Variants in FRMD4B observed in about 807,000 individuals in gnomAD.
The protein encoded by FRMD4B is FERM domain containing 4B.
FRMD4B carries 74 observed loss-of-function variants against 141.5 expected under a neutral mutation model. The ratio of observed to expected loss-of-function variants is 0.52; its 90% CI spans 0.43 to 0.63. FRMD4B has a LOEUF of 0.63. FRMD4B is among the 30% of genes least tolerant of loss of function. FRMD4B has a pLI of 0.00. For synonymous variants in FRMD4B, 506 were observed against 467.9 expected (o/e 1.08, Z -1.05); for missense variants, 1,366 against 1,253.4 (o/e 1.09, Z -1.36).
intron 22 of FRMD4B, among the ~76,000 whole-genome samples, chr3:69,173,224 A>G (rs1252924846): frequency 2.6e-5 from 4 of 152,210 alleles, no homozygotes; most frequent in African/African-American, 9.6e-5. Flanking sequence ...TGGCAGCAGT[A>G]GAGCCAAGAA....
chr3:69,279,265 G>A (rs573350867), intron 5 of FRMD4B, among the ~76,000 whole-genome samples: 22 of 152,234 alleles, frequency 1.4e-4, no homozygotes, highest in Non-Finnish European at 2.5e-4. Context: ...AGACAAATAC[G>A]GTTTCTGGGG....
intron 1 of FRMD4B, among the ~76,000 whole-genome samples, chr3:69,327,525 C>A (rs1409962288): frequency 6.6e-6 from 1 of 152,192 alleles, no homozygotes; most frequent in Non-Finnish European, 1.5e-5. Context: ...TGCTTACTCT[C>A]AGGGTTTTCA....
At chr3:69,239,257 C>G (rs1215640353) in intron 7 of FRMD4B, among the ~76,000 whole-genome samples, 3 of 152,174 alleles carry the variant, frequency 2.0e-5, no homozygotes, top group Non-Finnish European at 2.9e-5. Flanking sequence ...AAGATGCATC[C>G]TGTAGCAGGA....
intron 3 of FRMD4B, among the ~76,000 whole-genome samples, chr3:69,308,757 A>G (rs926142646): frequency 6.6e-6 from 1 of 151,878 alleles, no homozygotes; most frequent in African/African-American, 2.4e-5. Context: ...TTTTCTCGCA[A>G]AAAACAAATC....
intron 1 of FRMD4B, among the ~76,000 whole-genome samples, chr3:69,496,614 A>T (rs1160080918): frequency 4.5e-5 from 4 of 89,180 alleles, no homozygotes; most frequent in Non-Finnish European, 9.1e-5. Context: ...AGAGAGAGTG[A>T]GAGAGAGAGA....
At chr3:69,202,941 G>A (rs1353652135) in intron 11 of FRMD4B, among the ~76,000 whole-genome samples, 1 of 151,912 alleles carries the variant, frequency 6.6e-6, no homozygotes, top group Non-Finnish European at 1.5e-5. Context: ...AATATCTTAA[G>A]GTTACAAACC....
intron 9 of FRMD4B, among the ~76,000 whole-genome samples, chr3:69,219,853 A>T (rs1265067273): frequency 6.6e-6 from 1 of 152,172 alleles, no homozygotes; most frequent in Admixed American, 6.5e-5. Context: ...GCTCCTACTG[A>T]TAAGTGAGAA....
intron 1 of FRMD4B, among the ~76,000 whole-genome samples, chr3:69,364,725 C>A (rs17005685): frequency 6.6e-6 from 1 of 151,872 alleles, no homozygotes; most frequent in Admixed American, 6.6e-5. Context: ...CGAGACAATT[C>A]GACTCTGGTT....
At chr3:69,345,051 G>A (rs1292291507) in intron 1 of FRMD4B, among the ~76,000 whole-genome samples, 2 of 151,752 alleles carry the variant, frequency 1.3e-5, no homozygotes, top group East Asian at 3.9e-4. Flanking sequence ...CGCCTCACCT[G>A]GGAAGCACAA....
chr3:69,201,189 A>G (rs72930245), intron 11 of FRMD4B, among the ~76,000 whole-genome samples: 1,743 of 152,324 alleles, frequency 0.011, 32 homozygotes, highest in East Asian at 0.073. Flanking sequence ...AAGTTTGTGC[A>G]AAGTATGATT....
At chr3:69,499,833 C>T (rs528737764) in intron 1 of FRMD4B, among the ~76,000 whole-genome samples, 3 of 152,300 alleles carry the variant, frequency 2.0e-5, no homozygotes, top group African/African-American at 7.2e-5. Flanking sequence ...TTTTAGTGTC[C>T]AGTCCCTTAG....
chr3:69,523,947 C>T (rs1575600230), intron 1 of FRMD4B, among the ~76,000 whole-genome samples: 2 of 152,176 alleles, frequency 1.3e-5, no homozygotes, highest in Admixed American at 6.5e-5. Context: ...AGAGACTGTC[C>T]ACTTGATCAT....
chr3:69,216,427 CT>C, intron 10 of FRMD4B, 78 bp from the exon 11 acceptor site: 3 of 607,964 alleles, frequency 4.9e-6, no homozygotes, highest in East Asian at 3.2e-5. Context: ...CCAATTTCAC[CT>C]CTTTTTTTTT....
At position 69,340,101 on chromosome 3, in the gene FRMD4B, T is replaced by C. The variant is rs930470327; in HGVS notation, c.163-26584A>G. ...TCAAGGCATGAGGGGTTGGGGAAAG[T>C]GCCTGACTAACCCAACTCATCTCTA... is the stretch of plus-strand genomic sequence containing the variant. On this transcript the variant is annotated intron_variant, in intron 1 of 22. Transcript: ENST00000398540. Among the ~76,000 whole-genome samples the C allele has an allele frequency of 3.9e-5, 6 of 152,126 alleles. 1 individual carries two copies. In the East Asian group the frequency reaches 1.2e-3, roughly 29 times the overall value.
chr3:69,193,955 G>C, intron 16 of FRMD4B, 82 bp from the exon 17 acceptor site: 1 of 826,366 alleles, frequency 1.2e-6, no homozygotes, highest in South Asian at 1.7e-5. Flanking sequence ...AACTTCCTGT[G>C]CACTTTCTTG....
chr3:69,382,034 T>C (rs1286700051), intron 1 of FRMD4B, among the ~76,000 whole-genome samples: 1 of 152,172 alleles, frequency 6.6e-6, no homozygotes, highest in Non-Finnish European at 1.5e-5. Context: ...CCTCCTATTT[T>C]ATTTCATTTT....
intron 3 of FRMD4B, among the ~76,000 whole-genome samples, chr3:69,307,798 A>T (rs1023314873): frequency 6.6e-6 from 1 of 151,968 alleles, no homozygotes; most frequent in African/African-American, 2.4e-5. Context: ...AGTCTGAGGG[A>T]CCTCTGACAC....
chr3:69,407,833 G>T (rs535693241), intron 2 of FRMD4B, among the ~76,000 whole-genome samples: 10 of 152,288 alleles, frequency 6.6e-5, no homozygotes, highest in African/African-American at 2.4e-4. Context: ...AATGAGGGTT[G>T]TATTGTGTTT....
intron 1 of FRMD4B, among the ~76,000 whole-genome samples, chr3:69,512,501 G>A (rs780368277): frequency 3.0e-4 from 46 of 152,310 alleles, no homozygotes; most frequent in Non-Finnish European, 5.7e-4. Context: ...GGTCTAAAGA[G>A]AAGCAGAGAA....
Sources: gnomAD v4.1 joint callset for allele counts (sites outside exome capture counted in the v4.1 genomes callset) on GRCh38, gnomAD v4.1.1 for gene constraint, MANE v1.5 for transcripts, NCBI Gene and HGNC (gene_info 2026-07-23, HGNC 2026-07-21) for gene names.